The following TANGO6 variants were observed in gnomAD, a reference collection of about 807,000 sequenced individuals.
TANGO6 encodes the protein transport and golgi organization 6 homolog, also known as transport and Golgi organization protein 6 homolog.
In TANGO6, 90 loss-of-function variants were observed where a neutral mutation model predicts 114.2. That is an observed-to-expected ratio of 0.79 (90% CI 0.66 to 0.94). The LOEUF is 0.94. Ranked by LOEUF, TANGO6 falls within the 40% of genes least tolerant of loss-of-function variation. TANGO6 has a pLI of 0.00. For missense variants in TANGO6, 1,274 were observed against 1,315.3 expected (o/e 0.97, Z 0.49); for synonymous variants, 477 against 509.8 (o/e 0.94, Z 0.87).
intron 17 of TANGO6, among the ~76,000 whole-genome samples, chr16:69,051,920 C>T (rs1428368066): frequency 6.6e-6 from 1 of 150,418 alleles, no homozygotes; most frequent in African/African-American, 2.4e-5. Context: ...CTTGATTTTC[C>T]TTTTTTCTTT....
At chr16:68,915,734 A>G (rs1962994711) in intron 11 of TANGO6, among the ~76,000 whole-genome samples, 1 of 152,242 alleles carries the variant, frequency 6.6e-6, no homozygotes, top group Non-Finnish European at 1.5e-5. Context: ...TGTTCATTTC[A>G]GTAAGTGGAA....
intron 15 of TANGO6, among the ~76,000 whole-genome samples, chr16:68,992,904 A>C (rs753657576): frequency 1.3e-5 from 2 of 152,074 alleles, no homozygotes; most frequent in African/African-American, 4.8e-5. Flanking sequence ...CCCCGTCTCT[A>C]CTAGAAATAC....
At chr16:68,930,377 C>G in intron 14 of TANGO6, 82 bp downstream of exon 14, 2 of 1,235,670 alleles carry the variant, frequency 1.6e-6, no homozygotes, top group South Asian at 1.3e-5. Context: ...CTCTAAAGTC[C>G]TAGGGCCAGG....
intron 14 of TANGO6, among the ~76,000 whole-genome samples, chr16:68,971,804 T>C (rs1455590078): frequency 2.0e-5 from 3 of 151,680 alleles, no homozygotes; most frequent in Non-Finnish European, 4.4e-5. Context: ...GCTAACTTTT[T>C]GTATTTTTAG....
intron 11 of TANGO6, among the ~76,000 whole-genome samples, chr16:68,910,370 G>A (rs1056992231): frequency 6.6e-5 from 10 of 152,162 alleles, no homozygotes; most frequent in Admixed American, 2.0e-4. Context: ...ACTCAGTAGG[G>A]TGATTTGTTT....
intron 17 of TANGO6, among the ~76,000 whole-genome samples, chr16:69,051,797 G>A (rs1167357463): frequency 6.6e-6 from 1 of 152,128 alleles, no homozygotes; most frequent in Non-Finnish European, 1.5e-5. Context: ...AGTGAGCCAA[G>A]ATCACGCCAC....
chr16:68,986,555 C>G (rs1051572231), intron 15 of TANGO6, among the ~76,000 whole-genome samples: 1 of 151,946 alleles, frequency 6.6e-6, no homozygotes, highest in African/African-American at 2.4e-5. Context: ...TCACATGGCC[C>G]CAGGTCTCTA....
intron 17 of TANGO6, among the ~76,000 whole-genome samples, chr16:69,054,039 T>A (rs1447205933): frequency 6.6e-6 from 1 of 151,868 alleles, no homozygotes; most frequent in African/African-American, 2.4e-5. Flanking sequence ...CACTCCAGCC[T>A]GGGCAACAGA....
chr16:69,063,115 C>T (rs1181622418), intron 17 of TANGO6, among the ~76,000 whole-genome samples: 2 of 151,510 alleles, frequency 1.3e-5, no homozygotes, highest in African/African-American at 2.4e-5. Context: ...GTAGTCCCAG[C>T]TACTTGGGAA....
At chr16:69,080,149 A>G (rs1960444045) in intron 17 of TANGO6, among the ~76,000 whole-genome samples, 1 of 152,276 alleles carries the variant, frequency 6.6e-6, no homozygotes, top group Non-Finnish European at 1.5e-5. Flanking sequence ...AAATTGCATT[A>G]CATTCATCCT....
chr16:68,971,084 G>A (rs1327221815), intron 14 of TANGO6, among the ~76,000 whole-genome samples: 5 of 151,760 alleles, frequency 3.3e-5, no homozygotes, highest in Non-Finnish European at 7.4e-5. Context: ...ACCGGGAGGT[G>A]GAAGTTGCAG....
In TANGO6 at chr16:68,996,249, T is replaced by C. The variant is rs564920854; in HGVS notation, c.2842+22081T>C. 1.1e-3 allele frequency among the ~76,000 whole-genome samples: 169 copies of C among 152,314 alleles called. 2 individuals are homozygous for C. Among genetic ancestry groups the C allele is most frequent in the Admixed American group, 9.7e-3 (149 of 15,292 alleles). On this transcript the variant is annotated intron_variant, in intron 15 of 17. Coordinates refer to ENST00000261778, the MANE Select transcript of TANGO6 (RefSeq NM_024562.2). ...TGAATTTCATCAAAAATTAATTGCA[T>C]TTAAATTATTTAATTCTCTAAATGG...
chr16:68,997,098 A>G (rs1963998458), intron 15 of TANGO6, among the ~76,000 whole-genome samples: 1 of 152,228 alleles, frequency 6.6e-6, no homozygotes, highest in Non-Finnish European at 1.5e-5. Context: ...TGATGCAGCT[A>G]TACATGGAAA....
chr16:68,860,532 T>C lies in TANGO6; in HGVS notation c.735+8T>C. 1 of 1,608,640 alleles carries C rather than the reference T, an allele frequency of 6.2e-7. No homozygotes were observed. Among genetic ancestry groups the C allele is most frequent in the Non-Finnish European group, 8.5e-7 (1 of 1,176,132 alleles). ...CTAACACCTGCAGAAGAGGTAAATA[T>C]ACATTGAGAAAGAGAGAGGGAGAGA... On this transcript the variant is annotated splice_region_variant and intron_variant, in intron 2 of 17. Transcript: ENST00000261778.
At chr16:68,918,465 T>A (rs1490939415) in intron 11 of TANGO6, among the ~76,000 whole-genome samples, 3 of 152,228 alleles carry the variant, frequency 2.0e-5, no homozygotes, top group African/African-American at 7.2e-5. Context: ...TTTCATGTTA[T>A]CTTCGAGGAG....
intron 15 of TANGO6, among the ~76,000 whole-genome samples, chr16:68,981,400 G>A (rs772600064): frequency 1.1e-4 from 17 of 151,658 alleles, no homozygotes; most frequent in South Asian, 8.3e-4. Context: ...TAGTAGAGAC[G>A]GGTTTTTGCC....
intron 14 of TANGO6, among the ~76,000 whole-genome samples, chr16:68,932,561 G>A (rs1009482510): frequency 2.6e-5 from 4 of 152,154 alleles, no homozygotes; most frequent in Non-Finnish European, 5.9e-5. Flanking sequence ...GAAGCAAGCA[G>A]ATCACTTGAG....
At chr16:68,985,827 C>T (rs937201376) in intron 15 of TANGO6, among the ~76,000 whole-genome samples, 8 of 152,238 alleles carry the variant, frequency 5.3e-5, no homozygotes, top group African/African-American at 1.9e-4. Context: ...TAGAGAAAAA[C>T]TATTTCATGG....
chr16:68,926,472 C>T (rs181333189), intron 12 of TANGO6, among the ~76,000 whole-genome samples: 1 of 150,716 alleles, frequency 6.6e-6, no homozygotes, highest in East Asian at 2.0e-4. Context: ...CCAGCCTAGG[C>T]AGCAGAGCGA....
Sources: gnomAD v4.1 joint callset for allele counts (sites outside exome capture counted in the v4.1 genomes callset) on GRCh38, gnomAD v4.1.1 for gene constraint, MANE v1.5 for transcripts, NCBI Gene and HGNC (gene_info 2026-07-23, HGNC 2026-07-21) for gene names.